Variants in RASAL2 observed in about 807,000 individuals in gnomAD.
RASAL2 encodes ras GTPase-activating protein nGAP.
In RASAL2, 58 loss-of-function variants were observed where a neutral mutation model predicts 128.9. The observed-to-expected ratio is 0.45, with a 90% CI of 0.36 to 0.56. The LOEUF is 0.56. Among genes scored for constraint, RASAL2 ranks in the 20% least tolerant of loss-of-function variants. The pLI, the probability that RASAL2 is intolerant of heterozygous loss-of-function variation, is 0.00. For synonymous variants in RASAL2, 561 were observed against 580.8 expected (o/e 0.97, Z 0.49); for missense variants, 1,360 against 1,601.6 (o/e 0.85, Z 2.57).
intron 1 of RASAL2, among the ~76,000 whole-genome samples, chr1:178,268,846 G>A (rs545021623): frequency 6.6e-6 from 1 of 152,196 alleles, no homozygotes; most frequent in African/African-American, 2.4e-5. Flanking sequence ...CCATACTGCT[G>A]CAATCAGGAC....
At chr1:178,473,004 A>G in intron 17 of RASAL2, 71 bp from the exon 18 acceptor site, 1 of 1,534,224 alleles carries the variant, frequency 6.5e-7, no homozygotes, top group Non-Finnish European at 9.0e-7. Context: ...GCACTGGACT[A>G]GTCATTCAGT....
At chr1:178,341,446 TC>T in intron 3 of RASAL2, 1 of 1,468,284 alleles carries the variant, frequency 6.8e-7, no homozygotes, top group South Asian at 1.4e-5. Context: ...CTCTGGCTTT[TC>T]TGCATTCCAA....
At chr1:178,307,087 A>G (rs1668028292) in intron 3 of RASAL2, among the ~76,000 whole-genome samples, 1 of 152,012 alleles carries the variant, frequency 6.6e-6, no homozygotes, top group African/African-American at 2.4e-5. Context: ...ATATAACAGC[A>G]TGTGCAGTCT....
At chr1:178,424,187 C>T (rs555006186) in intron 5 of RASAL2, among the ~76,000 whole-genome samples, 38 of 151,424 alleles carry the variant, frequency 2.5e-4, no homozygotes, top group Middle Eastern at 3.4e-3. Flanking sequence ...AAATAGTGGA[C>T]ATGATATTTT....
intron 3 of RASAL2, among the ~76,000 whole-genome samples, chr1:178,314,879 G>A (rs997630271): frequency 2.7e-5 from 4 of 149,050 alleles, no homozygotes; most frequent in Non-Finnish European, 6.0e-5. Context: ...ATGCTGGTGC[G>A]CTGCACCCAC....
At chr1:178,365,147 G>A (rs1349681750) in intron 3 of RASAL2, among the ~76,000 whole-genome samples, 1 of 151,630 alleles carries the variant, frequency 6.6e-6, no homozygotes, top group Non-Finnish European at 1.5e-5. Flanking sequence ...TTCATATGAT[G>A]GGAATACTTC....
intron 4 of RASAL2, among the ~76,000 whole-genome samples, chr1:178,416,278 A>G (rs1327551252): frequency 6.6e-6 from 1 of 152,080 alleles, no homozygotes; most frequent in Admixed American, 6.6e-5. Context: ...TTTTAAATGT[A>G]TAACTAATGT....
At chr1:178,361,777 A>C (rs959615670) in intron 3 of RASAL2, among the ~76,000 whole-genome samples, 1 of 151,942 alleles carries the variant, frequency 6.6e-6, no homozygotes, top group Non-Finnish European at 1.5e-5. Context: ...TTATTATTAC[A>C]TTGTAATATA....
At chr1:178,103,856 C>A (rs1308073488) in intron 1 of RASAL2, among the ~76,000 whole-genome samples, 2 of 152,082 alleles carry the variant, frequency 1.3e-5, no homozygotes, top group African/African-American at 2.4e-5. Flanking sequence ...ATGATTCTTA[C>A]ACAATTGAAT....
chr1:178,236,565 C>T (rs1172536610), intron 1 of RASAL2, among the ~76,000 whole-genome samples: 1 of 152,082 alleles, frequency 6.6e-6, no homozygotes, highest in Non-Finnish European at 1.5e-5. Flanking sequence ...TTTTCAGTTG[C>T]TCATTGTTTT....
intron 1 of RASAL2, among the ~76,000 whole-genome samples, chr1:178,170,930 A>G (rs2101910860): frequency 6.6e-6 from 1 of 151,816 alleles, no homozygotes; most frequent in Non-Finnish European, 1.5e-5. Flanking sequence ...CTTATTTTTT[A>G]TGAAGCTTTG....
intron 4 of RASAL2, among the ~76,000 whole-genome samples, chr1:178,393,134 G>A (rs1673009797): frequency 6.6e-6 from 1 of 152,174 alleles, no homozygotes. Flanking sequence ...TGGCACCAGG[G>A]ACCAGTTTTG....
At chr1:178,240,179 GA>G (rs1205274730) in intron 1 of RASAL2, among the ~76,000 whole-genome samples, 1 of 152,014 alleles carries the variant, frequency 6.6e-6, no homozygotes, top group African/African-American at 2.4e-5. Context: ...GTTGCTAGTG[GA>G]AATTATGGAG....
At chr1:178,216,535 G>A (rs6679023) in intron 1 of RASAL2, among the ~76,000 whole-genome samples, 5,712 of 152,196 alleles carry the variant, frequency 0.038, 137 homozygotes, top group Middle Eastern at 0.082. Context: ...ACCAATTATC[G>A]TAAAAATAAC....
intron 5 of RASAL2, among the ~76,000 whole-genome samples, chr1:178,427,112 A>G (rs1321204827): frequency 6.6e-6 from 1 of 152,166 alleles, no homozygotes; most frequent in Non-Finnish European, 1.5e-5. Flanking sequence ...AATCAGATAA[A>G]AGCCAGTAAA....
chr1:178,218,520 C>G (rs776854234), intron 1 of RASAL2, among the ~76,000 whole-genome samples: 1 of 152,086 alleles, frequency 6.6e-6, no homozygotes, highest in Non-Finnish European at 1.5e-5. Context: ...AACCCCTTCT[C>G]TACTAAAAAT....
chr1:178,182,540 G>C (rs1319548997), intron 1 of RASAL2, among the ~76,000 whole-genome samples: 1 of 152,108 alleles, frequency 6.6e-6, no homozygotes, highest in African/African-American at 2.4e-5. Flanking sequence ...ATTTCTGTAT[G>C]TGACCACCTG....
chr1:178,162,289 T>TTATATA (rs554582730), intron 1 of RASAL2, among the ~76,000 whole-genome samples: 1,902 of 122,278 alleles, frequency 0.016, 23 homozygotes, highest in African/African-American at 0.024. Flanking sequence ...TAAGATTTCT[T>TTATATA]TATATATATA....
intron 3 of RASAL2, among the ~76,000 whole-genome samples, chr1:178,352,203 CAG>C (rs1320301308): frequency 1.3e-5 from 2 of 152,120 alleles, no homozygotes. Context: ...CTACTAAAAA[CAG>C]AATGCTATAA....
Sources: allele counts gnomAD v4.1 joint callset (sites outside exome capture counted in the v4.1 genomes callset), GRCh38; gene constraint gnomAD v4.1.1; transcripts MANE v1.5; gene names NCBI Gene and HGNC (gene_info 2026-07-23, HGNC 2026-07-21).